Variants in EIF5B observed in about 807,000 individuals in gnomAD.
The protein encoded by EIF5B is eIF-5B.
A neutral mutation model predicts 147.5 loss-of-function variants in EIF5B; 47 were observed. That is an observed-to-expected ratio of 0.32 (90% CI 0.25 to 0.41). The LOEUF is 0.41. Among genes scored for constraint, EIF5B ranks in the 10% least tolerant of loss-of-function variants. The pLI is 1.00. For synonymous variants in EIF5B, 455 were observed against 456.2 expected (o/e 1.00, Z 0.03); for missense variants, 1,064 against 1,413.2 (o/e 0.75, Z 3.96).
chr2:99,394,948 C>T, intron 21 of EIF5B, 65 bp downstream of exon 21: 1 of 1,413,098 alleles, frequency 7.1e-7, no homozygotes, highest in Non-Finnish European at 9.5e-7. Flanking sequence ...TTACTGAATT[C>T]CAGAAAGGGC....
At chr2:99,351,844 C>T (rs1006093774) in intron 1 of EIF5B, among the ~76,000 whole-genome samples, 1 of 151,824 alleles carries the variant, frequency 6.6e-6, no homozygotes, top group Non-Finnish European at 1.5e-5. Flanking sequence ...ATTACAGGCA[C>T]GAGCCACCAT....
In EIF5B at chr2:99,371,742, A is replaced by G. The variant is rs373374537; in HGVS notation, c.1552+12A>G. ...GGAGACAGAAAAAGGTGAATACCTC[A>G]TAAGCACACACTGATACATCCAGTG... On this transcript the variant is annotated intron_variant, in intron 9 of 23. Coordinates refer to ENST00000289371, the MANE Select transcript of EIF5B (RefSeq NM_015904.4). 1.7e-4 allele frequency: 268 copies of G among 1,608,472 alleles called. 1 individual carries two copies. The highest frequency in any genetic ancestry group is 2.1e-4 in the Non-Finnish European group (249 of 1,177,108).
intron 9 of EIF5B, among the ~76,000 whole-genome samples, chr2:99,372,428 T>C (rs1279353281): frequency 6.6e-6 from 1 of 152,196 alleles, no homozygotes; most frequent in Non-Finnish European, 1.5e-5. Context: ...AACCTCCACC[T>C]CCCGGGTTCA....
chr2:99,356,272 TATA>T (rs1674094350), intron 1 of EIF5B, among the ~76,000 whole-genome samples: 1 of 152,226 alleles, frequency 6.6e-6, no homozygotes, highest in Non-Finnish European at 1.5e-5. Context: ...ATTTCTACAT[TATA>T]ATGTTACTCT....
chr2:99,386,623 A>T (rs1293705818), intron 14 of EIF5B, among the ~76,000 whole-genome samples: 1 of 147,082 alleles, frequency 6.8e-6, no homozygotes, highest in African/African-American at 2.5e-5. Context: ...TCCGCCTCCC[A>T]GGCTCAAGCG....
At chr2:99,361,938 A>G (rs960929278) in intron 4 of EIF5B, 118 bp downstream of exon 4, 21 of 906,744 alleles carry the variant, frequency 2.3e-5, no homozygotes, top group Admixed American at 6.5e-5. Context: ...ACTTGATTGT[A>G]AGGAGCCATC....
intron 1 of EIF5B, among the ~76,000 whole-genome samples, chr2:99,348,613 GAGA>G (rs371633616): frequency 3.5e-4 from 53 of 152,306 alleles, no homozygotes; most frequent in African/African-American, 1.3e-3. Flanking sequence ...TAAGAATAAA[GAGA>G]AGGATTCCCT....
chr2:99,337,728 G>C (rs1185016783), intron 1 of EIF5B, 139 bp downstream of exon 1: 19 of 1,157,996 alleles, frequency 1.6e-5, no homozygotes, highest in Middle Eastern at 2.9e-4. Context: ...CAGAGTGTGC[G>C]GAGCGGGCCC....
At chr2:99,395,170 G>T (rs1353018055) in intron 21 of EIF5B, among the ~76,000 whole-genome samples, 1 of 152,196 alleles carries the variant, frequency 6.6e-6, no homozygotes, top group African/African-American at 2.4e-5. Flanking sequence ...GCTCATCTGG[G>T]ATTATATAGA....
chr2:99,377,297 C>T (rs1272557448), intron 10 of EIF5B, among the ~76,000 whole-genome samples: 1 of 151,322 alleles, frequency 6.6e-6, no homozygotes, highest in East Asian at 1.9e-4. Flanking sequence ...TGCTTTTTCT[C>T]CTGTAAAGTC....
intron 14 of EIF5B, chr2:99,389,508 CAG>C (rs1160437050): frequency 1.5e-5 from 5 of 332,164 alleles, no homozygotes; most frequent in Non-Finnish European, 2.7e-5. Flanking sequence ...TGGAGGCTGA[CAG>C]GGGCAGCATG....
Position 99,390,537 on chromosome 2 carries a change from C to CT in EIF5B, c.2587-3dup, listed in dbSNP as rs1419790273. The CT allele has an allele frequency of 6.2e-7, 1 of 1,602,150 alleles. No homozygotes were observed. Among genetic ancestry groups the CT allele is most frequent in the Non-Finnish European group, 8.5e-7 (1 of 1,171,322 alleles). ...TATGTCTTTCTCTTTGCATTAATGC[C>CT]TTTTAGGTTAAAGCTCTCCCGGGGA... On this transcript the variant is annotated splice_polypyrimidine_tract_variant and splice_region_variant and intron_variant, in intron 16 of 23. Coordinates refer to ENST00000289371, the MANE Select transcript of EIF5B (RefSeq NM_015904.4).
intron 14 of EIF5B, among the ~76,000 whole-genome samples, chr2:99,386,699 G>GT (rs1232970429): frequency 5.8e-4 from 82 of 140,520 alleles, no homozygotes; most frequent in African/African-American, 1.9e-3. Context: ...GGTTAGGGTT[G>GT]TTTTTTTCTG....
intron 1 of EIF5B, among the ~76,000 whole-genome samples, chr2:99,352,297 G>A (rs1279910197): frequency 1.3e-5 from 2 of 151,926 alleles, no homozygotes; most frequent in African/African-American, 4.8e-5. Flanking sequence ...CTGGGTTCAA[G>A]CAATTCTCCT....
At chr2:99,370,459 T>C (rs888322193) in intron 8 of EIF5B, among the ~76,000 whole-genome samples, 2 of 152,204 alleles carry the variant, frequency 1.3e-5, no homozygotes, top group African/African-American at 2.4e-5. Flanking sequence ...TCTTTTTCTC[T>C]TTTCTCTTCT....
chr2:99,356,303 A>G (rs899895034), intron 1 of EIF5B, among the ~76,000 whole-genome samples: 16 of 151,952 alleles, frequency 1.1e-4, no homozygotes, highest in Non-Finnish European at 2.4e-4. Context: ...CTCTTTCTAT[A>G]TTGTACTCTT....
chr2:99,382,673 A>G, intron 13 of EIF5B, 107 bp from the exon 14 acceptor site: 2 of 1,130,918 alleles, frequency 1.8e-6, no homozygotes, highest in Non-Finnish European at 2.4e-6. Flanking sequence ...GAACAATTTA[A>G]TACATATACT....
At chr2:99,365,756 A>T (rs1045603785) in intron 6 of EIF5B, among the ~76,000 whole-genome samples, 1 of 152,128 alleles carries the variant, frequency 6.6e-6, no homozygotes, top group African/African-American at 2.4e-5. Flanking sequence ...CTTACTCTTC[A>T]TAGTGTTGTC....
intron 14 of EIF5B, among the ~76,000 whole-genome samples, chr2:99,386,224 T>C (rs759169682): frequency 1.1e-4 from 16 of 152,244 alleles, no homozygotes; most frequent in Non-Finnish European, 1.9e-4. Flanking sequence ...TCTAGTTTGT[T>C]TCCACAGTGA....
Sources: gnomAD v4.1 joint callset for allele counts (sites outside exome capture counted in the v4.1 genomes callset) on GRCh38, gnomAD v4.1.1 for gene constraint, MANE v1.5 for transcripts, NCBI Gene and HGNC (gene_info 2026-07-23, HGNC 2026-07-21) for gene names.